The following NDC1 variants were observed in gnomAD, a reference collection of about 807,000 sequenced individuals.
The protein encoded by NDC1 is NDC1 transmembrane nucleoporin.
In NDC1, 24 loss-of-function variants were observed where a neutral mutation model predicts 89.8. That is an observed-to-expected ratio of 0.27 (90% CI 0.19 to 0.38). NDC1 has a LOEUF of 0.38. Ranked by LOEUF, NDC1 falls within the 10% of genes least tolerant of loss-of-function variation. The pLI, the probability that NDC1 is intolerant of heterozygous loss-of-function variation, is 1.00. For synonymous variants in NDC1, 296 were observed against 284.8 expected, an observed-to-expected ratio of 1.04 and a Z score of -0.39; for missense variants, 728 against 797.6, an observed-to-expected ratio of 0.91 and a Z score of 1.05.
chr1:53,817,411 T>A (rs1279272581), intron 6 of NDC1, among the ~76,000 whole-genome samples: 1 of 152,210 alleles, frequency 6.6e-6, no homozygotes, highest in Non-Finnish European at 1.5e-5. Flanking sequence ...TTGTATGTTC[T>A]CACTGATACG....
chr1:53,832,388 A>C (rs1184535437), intron 3 of NDC1, 102 bp downstream of exon 3: 1 of 637,944 alleles, frequency 1.6e-6, no homozygotes, highest in East Asian at 2.7e-5. Context: ...ATACGTTTTT[A>C]AATTTTTGAC....
rs2100617203 is a variant in NDC1, at chr1:53,772,443, G to T, written c.1847C>A (p.Pro616His). 6.2e-7 allele frequency: 1 copy of T among 1,613,354 alleles called. No homozygotes were observed. The highest frequency in any genetic ancestry group is 8.5e-7 in the Non-Finnish European group (1 of 1,179,508). The change falls in exon 17 of 18, where the codon CCC becomes CAC. Residue 616 changes from proline to histidine, a missense_variant. Physicochemically the swap from Pro to His is moderately conservative, Grantham distance 77. Coordinates refer to ENST00000371429, the MANE Select transcript of NDC1 (RefSeq NM_018087.5). ...GTCCACAAGGCTTCCTGAAATCCGG[G>T]GTGGTTTACTGGAAGCATGAGGAAG... Reference protein sequence around the residue: ...FKLPHASSKPPRISGSLVDTS... With the variant: ...FKLPHASSKPHRISGSLVDTS...
intron 10 of NDC1, among the ~76,000 whole-genome samples, 184 bp downstream of exon 10, chr1:53,803,744 T>G (rs1264536925): frequency 6.6e-6 from 1 of 152,154 alleles, no homozygotes; most frequent in Non-Finnish European, 1.5e-5. Flanking sequence ...GCTAATTTTT[T>G]GTATCTTTAG....
At chr1:53,806,094 AT>A (rs1188920070) in intron 9 of NDC1, among the ~76,000 whole-genome samples, 1 of 152,134 alleles carries the variant, frequency 6.6e-6, no homozygotes, top group Non-Finnish European at 1.5e-5. Context: ...AATCAATAAT[AT>A]TTTGTTATGC....
chr1:53,768,372 A>G (rs1359668224), intron 17 of NDC1, among the ~76,000 whole-genome samples: 1 of 152,224 alleles, frequency 6.6e-6, no homozygotes, highest in Non-Finnish European at 1.5e-5. Flanking sequence ...TTTAAACCAG[A>G]TTCCAACATT....
chr1:53,778,910 G>A (rs1647182642), intron 16 of NDC1, among the ~76,000 whole-genome samples: 1 of 152,038 alleles, frequency 6.6e-6, no homozygotes. Flanking sequence ...GGGAGGCCGA[G>A]GCAGGCAGAT....
At chr1:53,795,681 C>T (rs190553352) in intron 13 of NDC1, among the ~76,000 whole-genome samples, 1 of 152,300 alleles carries the variant, frequency 6.6e-6, no homozygotes, top group East Asian at 1.9e-4. Flanking sequence ...CATCTTACAG[C>T]CCCCACCACT....
At chr1:53,794,556 A>G (rs1255734597) in intron 13 of NDC1, among the ~76,000 whole-genome samples, 2 of 152,150 alleles carry the variant, frequency 1.3e-5, no homozygotes, top group South Asian at 2.1e-4. Flanking sequence ...CAAACATGTT[A>G]TAATTTCTCC....
intron 6 of NDC1, 141 bp downstream of exon 6, chr1:53,818,830 G>T: frequency 5.5e-6 from 3 of 540,934 alleles, no homozygotes; most frequent in Non-Finnish European, 9.8e-6. Context: ...CATTCTCTTT[G>T]ACAATTTAAA....
At chr1:53,799,625 T>C (rs953930357) in intron 11 of NDC1, among the ~76,000 whole-genome samples, 1 of 152,118 alleles carries the variant, frequency 6.6e-6, no homozygotes, top group Non-Finnish European at 1.5e-5. Context: ...TTCTCTTTTT[T>C]AAAAAGACCG....
intron 10 of NDC1, 106 bp downstream of exon 10, chr1:53,803,822 C>T (rs1310137076): frequency 2.8e-5 from 22 of 788,592 alleles, no homozygotes; most frequent in African/African-American, 2.6e-4. Context: ...CCGCCTGCCT[C>T]GGCCTCCCAA....
At chr1:53,807,912 C>T in intron 7 of NDC1, 121 bp from the exon 8 acceptor site, 1 of 877,012 alleles carries the variant, frequency 1.1e-6, no homozygotes, top group Non-Finnish European at 1.7e-6. Context: ...ACAGACTCCT[C>T]TCCTTCGATA....
chr1:53,788,414 C>T (rs531883131), intron 15 of NDC1, among the ~76,000 whole-genome samples: 9 of 151,590 alleles, frequency 5.9e-5, no homozygotes, highest in East Asian at 3.9e-4. Context: ...TAGATAACCT[C>T]GTCCCTACAA....
chr1:53,773,359 T>C (rs1647135277), intron 16 of NDC1, among the ~76,000 whole-genome samples: 4 of 152,214 alleles, frequency 2.6e-5, no homozygotes, highest in Admixed American at 2.6e-4. Flanking sequence ...TAACATCATC[T>C]GTTCTTTTTA....
At chr1:53,798,551 C>CTT (rs377090464) in intron 11 of NDC1, among the ~76,000 whole-genome samples, 41 of 138,600 alleles carry the variant, frequency 3.0e-4, no homozygotes, top group African/African-American at 5.3e-4. Context: ...TATGACTTTT[C>CTT]TTTTTTTTTT....
chr1:53,790,173 T>C (rs940021924), intron 14 of NDC1, among the ~76,000 whole-genome samples: 1 of 151,760 alleles, frequency 6.6e-6, no homozygotes, highest in Admixed American at 6.6e-5. Flanking sequence ...GAGACCAGCC[T>C]GGCCAACATG....
intron 4 of NDC1, among the ~76,000 whole-genome samples, chr1:53,826,254 T>C (rs1261496920): frequency 6.6e-6 from 1 of 152,218 alleles, no homozygotes; most frequent in Non-Finnish European, 1.5e-5. Flanking sequence ...AAGTTATATA[T>C]ACCTGATAGA....
intron 3 of NDC1, among the ~76,000 whole-genome samples, 185 bp from the exon 4 acceptor site, chr1:53,828,358 T>G (rs1390961385): frequency 6.6e-6 from 1 of 152,034 alleles, no homozygotes; most frequent in Non-Finnish European, 1.5e-5. Context: ...GAGGAAAGCA[T>G]GAATAAACAG....
intron 9 of NDC1, among the ~76,000 whole-genome samples, chr1:53,804,575 C>T (rs1648041565): frequency 6.6e-6 from 1 of 152,086 alleles, no homozygotes; most frequent in African/African-American, 2.4e-5. Flanking sequence ...CTTACGGGTT[C>T]AAGCAATTCT....
Sources: allele counts gnomAD v4.1 joint callset (sites outside exome capture counted in the v4.1 genomes callset), GRCh38; gene constraint gnomAD v4.1.1; transcripts MANE v1.5; gene names NCBI Gene and HGNC (gene_info 2026-07-23, HGNC 2026-07-21).